The following POLR3B variants were observed in gnomAD, a reference collection of about 807,000 sequenced individuals.
POLR3B encodes RNA polymerase III subunit B, also known as DNA-directed RNA polymerase III subunit RPC2.
In POLR3B, 96 loss-of-function variants were observed where a neutral mutation model predicts 147.4. That is an observed-to-expected ratio of 0.65 (90% CI 0.55 to 0.77). POLR3B has a LOEUF of 0.77. Ranked by LOEUF, POLR3B falls within the 30% of genes least tolerant of loss-of-function variation. The pLI, the probability that POLR3B is intolerant of heterozygous loss-of-function variation, is 0.00. For missense variants in POLR3B, 1,036 were observed against 1,413.5 expected, an observed-to-expected ratio of 0.73 and a Z score of 4.28; for synonymous variants, 461 against 485.9, an observed-to-expected ratio of 0.95 and a Z score of 0.67.
intron 13 of POLR3B, among the ~76,000 whole-genome samples, chr12:106,427,819 G>A (rs7136098): frequency 0.24 from 37,013 of 151,916 alleles, 5,221 homozygotes; most frequent in African/African-American, 0.39. Context: ...TTCAGTTCTC[G>A]GCAGCTGCTG....
chr12:106,471,956 C>T (rs1439313646), intron 23 of POLR3B, among the ~76,000 whole-genome samples: 933 of 126,294 alleles, frequency 7.4e-3, no homozygotes, highest in African/African-American at 0.011. Flanking sequence ...TGGTGCGCTG[C>T]ACCCACTAAC....
intron 24 of POLR3B, chr12:106,496,529 A>T (rs1315647230): frequency 6.6e-6 from 4 of 606,526 alleles, no homozygotes; most frequent in Non-Finnish European, 1.2e-5. Context: ...TATCCTTCCC[A>T]TACTTCAGTT....
chr12:106,361,863 G>C (rs2036474108), intron 1 of POLR3B, among the ~76,000 whole-genome samples: 1 of 152,226 alleles, frequency 6.6e-6, no homozygotes, highest in Non-Finnish European at 1.5e-5. Context: ...TTATAAGACA[G>C]TGATCGGCAT....
rs564860309 is a variant in POLR3B at position 106,493,605 on chromosome 12, C to T, written c.2714-2450C>T. Among the ~76,000 whole-genome samples, 7 of 152,326 alleles carry T rather than the reference C, an allele frequency of 4.6e-5. No individual in the cohort carries two copies. The South Asian group carries it at 1.4e-3, about 32-fold the overall frequency. Reference sequence around the variant, plus strand: ...TTAAAATCTGTCAGCTATGACTGGTCTCATAAGCACAGTCAGCGGACCAGA... The same window carrying T: ...TTAAAATCTGTCAGCTATGACTGGTTTCATAAGCACAGTCAGCGGACCAGA... On this transcript the variant is annotated intron_variant, in intron 23 of 27. Coordinates refer to ENST00000228347, the MANE Select transcript of POLR3B (RefSeq NM_018082.6).
At chr12:106,385,824 G>T (rs751960384) in intron 9 of POLR3B, among the ~76,000 whole-genome samples, 3 of 152,200 alleles carry the variant, frequency 2.0e-5, no homozygotes, top group Non-Finnish European at 4.4e-5. Flanking sequence ...GTGCTTTTGA[G>T]TTCTATAAAT....
At chr12:106,406,108 C>A in intron 11 of POLR3B, 132 bp downstream of exon 11, 1 of 883,980 alleles carries the variant, frequency 1.1e-6, no homozygotes, top group Non-Finnish European at 1.8e-6. Context: ...CTGTACTGCC[C>A]CATCAGAAAT....
At chr12:106,372,636 T>C (rs1164616589) in intron 6 of POLR3B, among the ~76,000 whole-genome samples, 1 of 152,114 alleles carries the variant, frequency 6.6e-6, no homozygotes, top group African/African-American at 2.4e-5. Context: ...CTACCATGCG[T>C]GGCCAATATC....
intron 10 of POLR3B, among the ~76,000 whole-genome samples, chr12:106,396,722 T>C (rs2036984480): frequency 6.6e-6 from 1 of 152,178 alleles, no homozygotes; most frequent in African/African-American, 2.4e-5. Flanking sequence ...AAGCAGGTAA[T>C]TGGACAGGAA....
At chr12:106,358,009 G>A in intron 1 of POLR3B, 58 bp downstream of exon 1, 1 of 1,595,162 alleles carries the variant, frequency 6.3e-7, no homozygotes. Flanking sequence ...AGGGGGCGTT[G>A]CCCGGAGTGC....
At chr12:106,488,394 A>G (rs1299657379) in intron 23 of POLR3B, among the ~76,000 whole-genome samples, 2 of 152,206 alleles carry the variant, frequency 1.3e-5, no homozygotes, top group East Asian at 3.8e-4. Context: ...CTATACATCA[A>G]AGTTGTGAAT....
intron 1 of POLR3B, among the ~76,000 whole-genome samples, chr12:106,363,565 C>T (rs1353175975): frequency 1.3e-5 from 2 of 152,152 alleles, no homozygotes; most frequent in African/African-American, 4.8e-5. Flanking sequence ...TTTTCCTTTT[C>T]TCAAACTGGC....
intron 2 of POLR3B, among the ~76,000 whole-genome samples, chr12:106,365,933 A>G (rs1375694045): frequency 1.3e-5 from 2 of 152,086 alleles, no homozygotes; most frequent in African/African-American, 4.8e-5. Context: ...CAGAATCATC[A>G]ATATCACTGT....
At chr12:106,475,901 C>T (rs1483957798) in intron 23 of POLR3B, among the ~76,000 whole-genome samples, 3 of 151,110 alleles carry the variant, frequency 2.0e-5, no homozygotes, top group Admixed American at 1.3e-4. Context: ...GAATTTGATC[C>T]TGTCATTATG....
intron 10 of POLR3B, among the ~76,000 whole-genome samples, chr12:106,399,730 CT>C (rs1357338573): frequency 6.6e-6 from 1 of 152,102 alleles, no homozygotes; most frequent in African/African-American, 2.4e-5. Context: ...CCAAACTAAG[CT>C]TCATAAGTGA....
At chr12:106,484,594 A>G (rs1403031518) in intron 23 of POLR3B, among the ~76,000 whole-genome samples, 1 of 86,698 alleles carries the variant, frequency 1.2e-5, no homozygotes, top group Non-Finnish European at 2.4e-5. Context: ...CCATTTCAAG[A>G]AAAAAAAGTG....
rs758503582 is a variant in POLR3B, at chr12:106,380,122, A to G, written c.706A>G (p.Ile236Val). 1.1e-5 allele frequency: 18 copies of G among 1,578,924 alleles called. No individual in the cohort carries two copies. The highest frequency in any genetic ancestry group is 1.2e-5 in the Non-Finnish European group (14 of 1,148,226). ...RHNTLSEDIP[I>V]VIIFKAMGVE... ...TAATACTTTGTCAGAAGATATACCC[A>G]TTGTCATCATATTTAAGGTAAAGCT... The change falls in exon 9 of 28, where the codon ATT becomes GTT. Residue 236 changes from isoleucine (I) to valine (V), a missense_variant. Around this residue, in one of 12 missense-constraint regions of POLR3B, gnomAD observed 217 missense variants for 288.7 expected, o/e 0.75. Transcript: ENST00000228347.
At chr12:106,471,243 G>C (rs1329519589) in intron 23 of POLR3B, among the ~76,000 whole-genome samples, 1 of 152,190 alleles carries the variant, frequency 6.6e-6, no homozygotes, top group Non-Finnish European at 1.5e-5. Context: ...AGTGAGCAAG[G>C]CTCCGTGGGC....
At chr12:106,468,977 T>G (rs1592758760) in intron 23 of POLR3B, among the ~76,000 whole-genome samples, 1 of 152,198 alleles carries the variant, frequency 6.6e-6, no homozygotes, top group East Asian at 1.9e-4. Flanking sequence ...CAGAGCTGAG[T>G]TCAAGTCCTG....
At chr12:106,487,642 C>G (rs2038357393) in intron 23 of POLR3B, among the ~76,000 whole-genome samples, 1 of 131,990 alleles carries the variant, frequency 7.6e-6, no homozygotes, top group East Asian at 2.2e-4. Flanking sequence ...TGCCCAATGC[C>G]TCTTCAGATA....
Sources: allele counts gnomAD v4.1 joint callset (sites outside exome capture counted in the v4.1 genomes callset), GRCh38; gene constraint gnomAD v4.1.1; regional missense constraint gnomAD v4.1.1; transcripts MANE v1.5; gene names NCBI Gene and HGNC (gene_info 2026-07-23, HGNC 2026-07-21).